The following RTN1 variants were observed in gnomAD, a reference collection of about 807,000 sequenced individuals.
The protein encoded by RTN1 is reticulon 1.
In RTN1, 25 loss-of-function variants were observed where a neutral mutation model predicts 65.5. The ratio of observed to expected loss-of-function variants is 0.38; its 90% CI spans 0.28 to 0.53. The LOEUF (loss-of-function observed/expected upper bound fraction) is 0.53. Ranked by LOEUF, RTN1 falls within the 20% of genes least tolerant of loss-of-function variation. The pLI, the probability that RTN1 is intolerant of heterozygous loss-of-function variation, is 0.79. For synonymous variants in RTN1, 471 were observed against 447.6 expected (o/e 1.05, Z -0.66); for missense variants, 983 against 1,025.4 (o/e 0.96, Z 0.57).
chr14:59,732,203 T>TTG (rs1884912661), intron 2 of RTN1, among the ~76,000 whole-genome samples: 2 of 152,134 alleles, frequency 1.3e-5, no homozygotes, highest in African/African-American at 4.8e-5. Flanking sequence ...ACTGGAGTAT[T>TTG]ATTGGGAATG....
chr14:59,626,746 TAAAA>T (rs1052942258), intron 3 of RTN1, among the ~76,000 whole-genome samples: 1 of 152,046 alleles, frequency 6.6e-6, no homozygotes, highest in African/African-American at 2.4e-5. Flanking sequence ...ATGAGAGTAA[TAAAA>T]AAAGTCTCAC....
At chr14:59,806,226 C>G (rs551047417) in intron 1 of RTN1, among the ~76,000 whole-genome samples, 1 of 151,290 alleles carries the variant, frequency 6.6e-6, no homozygotes, top group African/African-American at 2.4e-5. Flanking sequence ...CAGGGTGAGA[C>G]TCCTTCTCAA....
chr14:59,825,488 A>G lies in RTN1; in HGVS notation c.241+44902T>C, dbSNP rs74061328. Reference sequence around the variant, plus strand: ...GTTACAATGTGTTTTCTGTTTTGTCAAAGTTTTATCAGCCTGAGGGGAAGC... The same window carrying G: ...GTTACAATGTGTTTTCTGTTTTGTCGAAGTTTTATCAGCCTGAGGGGAAGC... On this transcript the variant is annotated intron_variant, in intron 1 of 8. Coordinates refer to ENST00000267484, the MANE Select transcript of RTN1 (RefSeq NM_021136.3). This position sits in a 1 kb window ranked among gnomAD's most constrained non-coding sequence, Gnocchi z 4.2. Among the ~76,000 whole-genome samples the G allele has an allele frequency of 4.0e-3, 608 of 152,346 alleles. 6 individuals are homozygous for G. Among genetic ancestry groups the G allele is most frequent in the African/African-American group, 0.014 (567 of 41,582 alleles).
At chr14:59,646,350 A>C (rs1320108775) in intron 3 of RTN1, among the ~76,000 whole-genome samples, 1 of 152,234 alleles carries the variant, frequency 6.6e-6, no homozygotes, top group African/African-American at 2.4e-5. Flanking sequence ...GCATCCCTGA[A>C]AGGGATTGGG....
intron 1 of RTN1, among the ~76,000 whole-genome samples, chr14:59,839,570 G>C (rs1304607176): frequency 6.6e-6 from 1 of 152,054 alleles, no homozygotes; most frequent in East Asian, 1.9e-4. Flanking sequence ...ACTTGTTTTA[G>C]TTTGAGAAAA....
chr14:59,816,990 A>C lies in RTN1; in HGVS notation c.241+53400T>G, dbSNP rs1886832777. 6.6e-6 allele frequency among the ~76,000 whole-genome samples: 1 copy of C among 152,188 alleles called. No homozygotes were observed. The highest frequency in any genetic ancestry group is 1.5e-5 in the Non-Finnish European group (1 of 68,020). On this transcript the variant is annotated intron_variant, in intron 1 of 8. Transcript: ENST00000267484. This position sits in a 1 kb window ranked among gnomAD's most constrained non-coding sequence, Gnocchi z 4.3. ...TACCAATAAGGGTTGTTTTATGTAC[A>C]TCTTAAGGGCAAATCTAAGCATGAC...
chr14:59,818,252 T>C lies in RTN1; in HGVS notation c.241+52138A>G, dbSNP rs188746257. 5.9e-5 allele frequency among the ~76,000 whole-genome samples: 9 copies of C among 152,334 alleles called. 1 individual carries two copies. The East Asian group carries it at 1.3e-3, about 23-fold the overall frequency. ...TCCATGATGTGTATGTACCTTATTT[T>C]CTTTACCCAGTCCATCATTGGTGGG... On this transcript the variant is annotated intron_variant, in intron 1 of 8. Transcript: ENST00000267484.
intron 2 of RTN1, among the ~76,000 whole-genome samples, chr14:59,733,871 C>G (rs1275496409): frequency 6.6e-6 from 1 of 152,122 alleles, no homozygotes; most frequent in East Asian, 1.9e-4. Flanking sequence ...CACAGCTGCC[C>G]TACCAAAAAG....
intron 3 of RTN1, among the ~76,000 whole-genome samples, chr14:59,609,488 A>T (rs779412388): frequency 2.6e-5 from 4 of 152,100 alleles, no homozygotes; most frequent in African/African-American, 7.2e-5. Flanking sequence ...TCAGGTGGAG[A>T]AGAGGGATCT....
intron 2 of RTN1, among the ~76,000 whole-genome samples, chr14:59,738,114 T>C (rs1025851721): frequency 6.6e-6 from 1 of 152,070 alleles, no homozygotes; most frequent in African/African-American, 2.4e-5. Context: ...AAGATTTCAT[T>C]ACAAAGACAC....
intron 1 of RTN1, among the ~76,000 whole-genome samples, chr14:59,811,875 C>T (rs1030171279): frequency 6.6e-6 from 1 of 152,108 alleles, no homozygotes. Flanking sequence ...TAACTGGGTA[C>T]GTTTAAAAAA....
chr14:59,625,929 A>G (rs1882384853), intron 3 of RTN1, among the ~76,000 whole-genome samples: 2 of 152,200 alleles, frequency 1.3e-5, no homozygotes, highest in South Asian at 4.1e-4. Flanking sequence ...AGGGGGAAAA[A>G]AAATCCCCTT....
intron 3 of RTN1, among the ~76,000 whole-genome samples, chr14:59,663,901 T>C (rs542055896): frequency 1.3e-5 from 2 of 152,084 alleles, no homozygotes; most frequent in African/African-American, 2.4e-5. Flanking sequence ...TTGTGGAAGA[T>C]AGTGTGGCGA....
chr14:59,630,814 T>C (rs1416237620), intron 3 of RTN1: 13 of 1,020,220 alleles, frequency 1.3e-5, no homozygotes, highest in African/African-American at 1.7e-5. Context: ...AAAGCGGTTC[T>C]GGCCGCGAAG....
At position 59,625,947 on chromosome 14, in the gene RTN1, G is replaced by C. The variant is rs80124088; in HGVS notation, c.1766-18455C>G. Among the ~76,000 whole-genome samples, 923 of 152,190 alleles carry C rather than the reference G, an allele frequency of 6.1e-3. 20 individuals carry two copies. Among genetic ancestry groups the C allele is most frequent in the Admixed American group, 0.044 (672 of 15,264 alleles). On this transcript the variant is annotated intron_variant, in intron 3 of 8. Coordinates refer to ENST00000267484, the MANE Select transcript of RTN1 (RefSeq NM_021136.3). ...GGGAAAAAAAATCCCCTTCTCCCCA[G>C]CTAAGGCAGTTTTCCCATTGGATCC...
At chr14:59,626,444 A>T (rs1044294470) in intron 3 of RTN1, among the ~76,000 whole-genome samples, 9 of 152,238 alleles carry the variant, frequency 5.9e-5, no homozygotes, top group African/African-American at 2.2e-4. Context: ...CCCCAGGCAC[A>T]CATGTATCAA....
chr14:59,839,539 T>C (rs1351098983), intron 1 of RTN1, among the ~76,000 whole-genome samples: 3 of 152,206 alleles, frequency 2.0e-5, no homozygotes, highest in Non-Finnish European at 2.9e-5. Context: ...TTGACTATTA[T>C]CCTTTGGCAC....
intron 2 of RTN1, among the ~76,000 whole-genome samples, chr14:59,728,056 A>G (rs1884817941): frequency 6.6e-6 from 1 of 152,092 alleles, no homozygotes; most frequent in Admixed American, 6.5e-5. Flanking sequence ...TTTCAATTTC[A>G]CAGATTTTAT....
At chr14:59,682,935 A>C (rs1301976014) in intron 3 of RTN1, among the ~76,000 whole-genome samples, 3 of 152,188 alleles carry the variant, frequency 2.0e-5, no homozygotes, top group Admixed American at 2.0e-4. Context: ...TGCAGGCAAA[A>C]GAAAGGAGAA....
Sources: gnomAD v4.1 joint callset for allele counts (sites outside exome capture counted in the v4.1 genomes callset) on GRCh38, gnomAD v4.1.1 for gene constraint, Gnocchi (gnomAD v3.1) non-coding constraint, MANE v1.5 for transcripts, NCBI Gene and HGNC (gene_info 2026-07-23, HGNC 2026-07-21) for gene names.